Variants in MNAT1 observed in about 807,000 individuals in gnomAD.
The protein encoded by MNAT1 is CDK-activating kinase assembly factor MAT1.
MNAT1 carries 43 observed loss-of-function variants against 42.0 expected under a neutral mutation model. That is an observed-to-expected ratio of 1.02 (90% CI 0.80 to 1.32). The LOEUF is 1.32. MNAT1 is among the 40% of genes most tolerant of loss of function. MNAT1 has a pLI of 0.00. For synonymous variants in MNAT1, 118 were observed against 120.0 expected, an observed-to-expected ratio of 0.98 and a Z score of 0.11; for missense variants, 306 against 350.4, an observed-to-expected ratio of 0.87 and a Z score of 1.01.
At chr14:60,780,816 G>A (rs1247059772) in intron 1 of MNAT1, among the ~76,000 whole-genome samples, 1 of 152,048 alleles carries the variant, frequency 6.6e-6, no homozygotes, top group African/African-American at 2.4e-5. Flanking sequence ...TTATTCAAAA[G>A]GAACCAGGAG....
intron 7 of MNAT1, among the ~76,000 whole-genome samples, chr14:60,946,859 G>A (rs1003656347): frequency 1.3e-5 from 2 of 152,158 alleles, no homozygotes; most frequent in African/African-American, 4.8e-5. Flanking sequence ...ACACTCAGTG[G>A]CTTAAACAAT....
chr14:60,935,729 A>C (rs913781979), intron 7 of MNAT1, among the ~76,000 whole-genome samples: 1 of 152,174 alleles, frequency 6.6e-6, no homozygotes, highest in African/African-American at 2.4e-5. Flanking sequence ...AAAGCAATAG[A>C]TTCTATATAC....
chr14:60,854,432 G>A (rs912087546), intron 6 of MNAT1, among the ~76,000 whole-genome samples: 2 of 152,194 alleles, frequency 1.3e-5, no homozygotes, highest in Admixed American at 1.3e-4. Context: ...CCTCATCGTC[G>A]TGGATTTATC....
At chr14:60,933,428 GCAAA>G (rs1333368148) in intron 7 of MNAT1, among the ~76,000 whole-genome samples, 1 of 152,040 alleles carries the variant, frequency 6.6e-6, no homozygotes, top group Non-Finnish European at 1.5e-5. Context: ...ATGTTTTGAA[GCAAA>G]CAAAGTAGCG....
At chr14:60,764,528 C>T (rs1429639552) in intron 1 of MNAT1, among the ~76,000 whole-genome samples, 1 of 152,082 alleles carries the variant, frequency 6.6e-6, no homozygotes, top group Non-Finnish European at 1.5e-5. Flanking sequence ...ATGAAGAAGA[C>T]ATTAAAGCAT....
At chr14:60,935,035 A>G (rs1204193326) in intron 7 of MNAT1, among the ~76,000 whole-genome samples, 3 of 152,210 alleles carry the variant, frequency 2.0e-5, no homozygotes, top group African/African-American at 7.2e-5. Flanking sequence ...TCCATTTAAC[A>G]TTTCACAAGT....
intron 7 of MNAT1, among the ~76,000 whole-genome samples, chr14:60,947,972 A>G (rs1484847706): frequency 1.3e-5 from 2 of 152,180 alleles, no homozygotes; most frequent in Non-Finnish European, 2.9e-5. Flanking sequence ...AGGCCTGTAG[A>G]GCTGTAGCCC....
At chr14:60,912,461 G>A (rs190253943) in intron 7 of MNAT1, among the ~76,000 whole-genome samples, 15 of 152,174 alleles carry the variant, frequency 9.9e-5, no homozygotes, top group East Asian at 1.9e-4. Context: ...GGCTGGCACC[G>A]GTTGTTCCTT....
Position 60,947,744 on chromosome 14 carries a change from G to T in MNAT1, c.810-20485G>T, listed in dbSNP as rs144439084. On this transcript the variant is annotated intron_variant, in intron 7 of 7. Transcript: ENST00000261245. ...TATTTTTTAGTTAGTTTGAAAATCA[G>T]ATTTCCAAATGGATCCTGGACACTT... is the stretch of plus-strand genomic sequence containing the variant. Among the ~76,000 whole-genome samples, 23 of 152,286 alleles carry T rather than the reference G, an allele frequency of 1.5e-4. No individual in the cohort carries two copies. In the East Asian group the frequency reaches 4.4e-3, roughly 29 times the overall value.
chr14:60,786,651 A>C (rs1034727993), intron 1 of MNAT1, among the ~76,000 whole-genome samples: 2 of 152,194 alleles, frequency 1.3e-5, no homozygotes, highest in Admixed American at 1.3e-4. Context: ...ATATTTTCCA[A>C]AACAAAAAAA....
chr14:60,841,071 CAGTT>C (rs2033536573), intron 6 of MNAT1, among the ~76,000 whole-genome samples: 1 of 152,102 alleles, frequency 6.6e-6, no homozygotes, highest in Non-Finnish European at 1.5e-5. Context: ...TTGTAAATGT[CAGTT>C]AGGTCAAGTT....
intron 3 of MNAT1, among the ~76,000 whole-genome samples, chr14:60,803,899 T>C (rs776084391): frequency 2.0e-5 from 3 of 152,222 alleles, no homozygotes; most frequent in Non-Finnish European, 4.4e-5. Context: ...GACTTTCTTA[T>C]GGCATTAACA....
intron 7 of MNAT1, among the ~76,000 whole-genome samples, chr14:60,946,062 C>T (rs1314379173): frequency 1.3e-5 from 2 of 152,192 alleles, no homozygotes; most frequent in Admixed American, 6.5e-5. Flanking sequence ...AGGCCAGTCC[C>T]ACCACCTGTG....
At chr14:60,954,418 T>C (rs1461299264) in intron 7 of MNAT1, among the ~76,000 whole-genome samples, 2 of 152,204 alleles carry the variant, frequency 1.3e-5, no homozygotes, top group Non-Finnish European at 2.9e-5. Context: ...TTTATAGTTT[T>C]CAGTGTATAG....
At chr14:60,917,412 AT>A (rs1422957222) in intron 7 of MNAT1, among the ~76,000 whole-genome samples, 1 of 152,160 alleles carries the variant, frequency 6.6e-6, no homozygotes, top group East Asian at 1.9e-4. Flanking sequence ...TTATTAGAAA[AT>A]TTAACAGATT....
intron 4 of MNAT1, among the ~76,000 whole-genome samples, chr14:60,810,023 G>A (rs1169918327): frequency 6.6e-6 from 1 of 152,078 alleles, no homozygotes; most frequent in African/African-American, 2.4e-5. Flanking sequence ...GTCCATACTA[G>A]TTCTAGGTCT....
chr14:60,886,238 G>A (rs2034667017), intron 7 of MNAT1, among the ~76,000 whole-genome samples: 1 of 151,904 alleles, frequency 6.6e-6, no homozygotes, highest in South Asian at 2.1e-4. Flanking sequence ...TGGGTATTTT[G>A]TGGTTTCATG....
chr14:60,794,123 G>C (rs992060116), intron 1 of MNAT1, among the ~76,000 whole-genome samples: 4 of 152,004 alleles, frequency 2.6e-5, no homozygotes, highest in African/African-American at 9.7e-5. Context: ...GTTATTTGTG[G>C]CTCTGTAATT....
At chr14:60,960,905 T>C (rs967903236) in intron 7 of MNAT1, among the ~76,000 whole-genome samples, 2 of 152,230 alleles carry the variant, frequency 1.3e-5, no homozygotes, top group African/African-American at 2.4e-5. Flanking sequence ...CTCTAATCCA[T>C]TGGGCAGCCA....
Sources: allele counts gnomAD v4.1 joint callset (sites outside exome capture counted in the v4.1 genomes callset), GRCh38; gene constraint gnomAD v4.1.1; transcripts MANE v1.5; gene names NCBI Gene and HGNC (gene_info 2026-07-23, HGNC 2026-07-21).